The following F8 variants were observed in gnomAD, a reference collection of about 807,000 sequenced individuals.
F8 encodes the protein antihemophilic factor.
F8 carries 12 observed loss-of-function variants against 140.6 expected under a neutral mutation model. That is an observed-to-expected ratio of 0.09 (90% CI 0.05 to 0.14). The LOEUF is 0.14. Among genes scored for constraint, F8 ranks in the 10% least tolerant of loss-of-function variants. F8 has a pLI of 1.00. For synonymous variants in F8, 585 were observed against 614.6 expected, an observed-to-expected ratio of 0.95 and a Z score of 0.71; for missense variants, 1,354 against 1,720.7, an observed-to-expected ratio of 0.79 and a Z score of 3.77.
intron 21 of F8, among the ~76,000 whole-genome samples, chrX:154,897,034 C>G (rs1251800542): frequency 2.7e-5 from 3 of 112,201 alleles, no homozygotes; most frequent in Non-Finnish European, 5.6e-5. Context: ...CTGGCGCATA[C>G]TAAACACTCA....
intron 2 of F8, 105 bp from the exon 3 acceptor site, chrX:154,997,200 G>A: frequency 2.1e-6 from 2 of 968,369 alleles, no homozygotes; most frequent in Non-Finnish European, 3.0e-6. Context: ...GCATGCCCCT[G>A]TAATTACTGA....
chrX:154,899,760 TC>T, intron 21 of F8, 105 bp downstream of exon 21: 1 of 744,570 alleles, frequency 1.3e-6, no homozygotes. Flanking sequence ...GGCATTCTGT[TC>T]TTTAGTTTTC....
At chrX:154,844,959 A>C (rs782254367) in intron 25 of F8, among the ~76,000 whole-genome samples, 14 of 111,072 alleles carry the variant, frequency 1.3e-4, no homozygotes, top group East Asian at 5.6e-4. Context: ...ATTTTGAGAT[A>C]CGTCCCATCA....
chrX:154,939,599 G>A (rs1283858176), intron 13 of F8, among the ~76,000 whole-genome samples: 1 of 112,846 alleles, frequency 8.9e-6, no homozygotes, highest in African/African-American at 3.2e-5. Flanking sequence ...GCAGGGCACA[G>A]ACAAACAAAA....
chrX:154,894,344 A>G (rs954627911), intron 22 of F8, among the ~76,000 whole-genome samples: 2 of 81,497 alleles, frequency 2.5e-5, no homozygotes, highest in Non-Finnish European at 5.0e-5. Context: ...GTGATGCTAC[A>G]TAACTTAGAA....
Position 154,905,021 on chromosome X carries a change from T to C in F8, c.5376A>G (p.Val1792=), listed in dbSNP as rs782742543. ...IRAEVEDNIM[V]TFRNQASRPY... ...GACGAGAGGCCTGATTTCTGAAAGTTACCTGTAGAACAATAACGACAAAAA... is the reference window on the plus strand; with the variant it reads ...GACGAGAGGCCTGATTTCTGAAAGTCACCTGTAGAACAATAACGACAAAAA... The change falls in exon 16 of 26, where the codon GTA becomes GTG. Residue 1792 remains valine (V), a splice_region_variant and synonymous_variant. Transcript: ENST00000360256. 8.4e-7 allele frequency: 1 copy of C among 1,185,321 alleles called. No homozygotes were observed. Among genetic ancestry groups the C allele is most frequent in the South Asian group, 1.8e-5 (1 of 56,282 alleles).
chrX:154,888,405 T>TTC (rs2072914842), intron 22 of F8, among the ~76,000 whole-genome samples: 1 of 85,363 alleles, frequency 1.2e-5, no homozygotes, highest in Non-Finnish European at 2.2e-5. Context: ...TTTTTTTTTT[T>TTC]TCCCCCCGAG....
chrX:155,022,495 C>T lies in F8; in HGVS notation c.58G>A (p.Ala20Thr). 4 of 1,211,105 alleles carry T rather than the reference C, an allele frequency of 3.3e-6. No homozygotes were observed. Among genetic ancestry groups the T allele is most frequent in the Non-Finnish European group, 4.5e-6 (4 of 895,226 alleles). Residue 20 changes from alanine to threonine, a missense_variant, in exon 1 of 26, where the codon GCC becomes ACC. Physicochemically the swap from Ala to Thr is moderately conservative, Grantham distance 58. Coordinates refer to ENST00000360256, the MANE Select transcript of F8 (RefSeq NM_000132.4). The part of the protein sequence containing the change: ...FLCLLRFCFS[A>T]TRRYYLGAVE... The stretch of plus-strand genomic sequence containing the variant: ...GCACCCAGGTAGTATCTTCTGGTGG[C>T]ACTAAAGCAGAATCGCAAAAGGCAC...
Position 154,904,060 on chromosome X carries a change from T to C in F8, c.5844A>G (p.Leu1948=). Residue 1948 remains leucine, a synonymous_variant, in exon 18 of 26, where the codon CTA becomes CTG. Transcript: ENST00000360256. ...HAINGYIMDT[L]PGLVMAQDQR... is the part of the protein sequence containing the mutation. ...GATCCTGAGCCATTACTAAGCCAGG[T>C]AGTGTATCCATTATGTAGCCATTGA... 1 of 1,211,535 alleles carries C rather than the reference T, an allele frequency of 8.3e-7. No individual in the cohort carries two copies. Among genetic ancestry groups the C allele is most frequent in the Non-Finnish European group, 1.1e-6 (1 of 895,287 alleles).
chrX:154,961,059 T>A lies in F8; in HGVS notation c.1537+16A>T. The A allele has an allele frequency of 9.3e-7, 1 of 1,079,224 alleles. No homozygotes were observed. The highest frequency in any genetic ancestry group is 1.3e-6 in the Non-Finnish European group (1 of 774,636). The allele number at this position is 1,079,224 out of a possible 1,213,427, so 88.9% of individuals were successfully genotyped here. A position where few individuals can be genotyped will look rare whatever the true frequency, so the allele number is the denominator to read the frequency against. On this transcript the variant is annotated intron_variant, in intron 10 of 25. Coordinates refer to ENST00000360256, the MANE Select transcript of F8 (RefSeq NM_000132.4). ...TCTACAGGTAAAAAAGAGCTATAAA[T>A]CGAGGGAATATTTACCTTTTGGTAA...
At chrX:154,838,558 A>G (rs894002773) in intron 25 of F8, among the ~76,000 whole-genome samples, 3 of 111,925 alleles carry the variant, frequency 2.7e-5, no homozygotes, top group Non-Finnish European at 5.6e-5. Context: ...AGACACCATG[A>G]TATCTTTAGG....
At position 154,929,082 on chromosome X, in the gene F8, T is replaced by C; in HGVS notation, c.4708A>G (p.Thr1570Ala). 8.3e-7 allele frequency: 1 copy of C among 1,211,526 alleles called. No individual in the cohort carries two copies. The highest frequency in any genetic ancestry group is 1.1e-6 in the Non-Finnish European group (1 of 895,348). Residue 1570 changes from threonine (T) to alanine (A), a missense_variant, in exon 14 of 26, where the codon ACA (threonine) becomes GCA (alanine). Physicochemically the swap from Thr to Ala is moderately conservative, Grantham distance 58. Coordinates refer to ENST00000360256, the MANE Select transcript of F8 (RefSeq NM_000132.4). ...PGKVPFLRVA[T>A]ESSAKTPSKL... is the part of the protein sequence containing the mutation. ...GAGGGAGTCTTTGCAGAGCTTTCTG[T>C]TGCTACTCTCAGAAAGGGAACTTTT... is the stretch of plus-strand genomic sequence containing the variant.
At chrX:154,853,156 C>T (rs868929310) in intron 25 of F8, among the ~76,000 whole-genome samples, 6 of 110,924 alleles carry the variant, frequency 5.4e-5, no homozygotes, top group Admixed American at 9.6e-5. Flanking sequence ...GCACCTCCTT[C>T]GTTAAATTTA....
chrX:154,950,094 T>G (rs2124085231), intron 12 of F8, among the ~76,000 whole-genome samples: 2 of 111,964 alleles, frequency 1.8e-5, no homozygotes, highest in South Asian at 7.5e-4. Context: ...AGGACACTAG[T>G]CATATTGGAT....
chrX:154,837,727 A>T lies in F8; in HGVS notation c.6926T>A (p.Phe2309Tyr). Reference protein sequence around the residue: ...VKVFQGNQDSFTPVVNSLDPP... With the variant: ...VKVFQGNQDSYTPVVNSLDPP... ...GTCTAGAGAGTTCACCACAGGTGTG[A>T]AGGAGTCTTGATTTCCCTGAAAAAC... Residue 2309 changes from phenylalanine (F) to tyrosine (Y), a missense_variant, in exon 26 of 26, where the codon TTC becomes TAC. Physicochemically the swap from Phe to Tyr is conservative, Grantham distance 22. Around this residue, in one of 4 missense-constraint regions of F8, gnomAD observed 316 missense variants for 485.4 expected, o/e 0.65. Transcript: ENST00000360256. 8.3e-7 allele frequency: 1 copy of T among 1,211,594 alleles called. No individual in the cohort carries two copies. The highest frequency in any genetic ancestry group is 1.1e-6 in the Non-Finnish European group (1 of 895,196).
At chrX:154,977,275 C>A (rs1218865616) in intron 6 of F8, 1 of 111,455 alleles carries the variant, frequency 9.0e-6, no homozygotes, top group Non-Finnish European at 1.9e-5. Flanking sequence ...GTTTTTTAAT[C>A]TTCCTACTAA....
chrX:155,013,808 T>C (rs1820191285), intron 1 of F8, among the ~76,000 whole-genome samples: 1 of 111,670 alleles, frequency 9.0e-6, no homozygotes, highest in African/African-American at 3.3e-5. Flanking sequence ...AGTGGAGCCC[T>C]CTTCCCAGCT....
intron 13 of F8, among the ~76,000 whole-genome samples, chrX:154,942,658 C>G: frequency 9.0e-6 from 1 of 111,504 alleles, no homozygotes; most frequent in Non-Finnish European, 1.9e-5. Flanking sequence ...TCCTCCTGAA[C>G]TCATTTTATG....
chrX:154,861,294 TC>T (rs2072689120), intron 24 of F8, among the ~76,000 whole-genome samples: 1 of 111,690 alleles, frequency 9.0e-6, no homozygotes, highest in African/African-American at 3.3e-5. Flanking sequence ...CTAGTCAGTC[TC>T]TCTTATTCAA....
Sources: gnomAD v4.1 joint callset for allele counts (sites outside exome capture counted in the v4.1 genomes callset) on GRCh38, gnomAD v4.1.1 for gene constraint, gnomAD v4.1.1 regional missense constraint, MANE v1.5 for transcripts, NCBI Gene and HGNC (gene_info 2026-07-23, HGNC 2026-07-21) for gene names.